C22orf39: variants seen among roughly 807,000 people sequenced by gnomAD.
C22orf39 encodes the protein chromosome 22 open reading frame 39.
In C22orf39, 20 loss-of-function variants were observed where a neutral mutation model predicts 18.3. The observed-to-expected ratio is 1.09, with a 90% confidence interval of 0.77 to 1.59. The LOEUF is 1.59. Among genes scored for constraint, C22orf39 ranks in the 40% most tolerant of loss-of-function variants. The pLI is 0.00. For synonymous variants in C22orf39, 63 were observed against 59.6 expected (o/e 1.06, Z -0.26); for missense variants, 195 against 156.1 (o/e 1.25, Z -1.33).
rs563642267 is a variant in C22orf39 at position 19,443,679 on chromosome 22, C to T, written c.*586G>A. On this transcript the variant is annotated 3_prime_UTR_variant, in exon 3 of 3. Transcript: ENST00000399562. ...CTTAAAAACCAGAGTCTCCAGGGGC[C>T]GACCTGGGAGCCTAAGAAGTGAAGC... 1.6e-5 allele frequency: 16 copies of T among 984,976 alleles called. No homozygotes were observed. Among genetic ancestry groups the T allele is most frequent in the African/African-American group, 8.7e-5 (5 of 57,158 alleles). 61.0% of individuals were successfully genotyped at this position (984,976 alleles called of 1,614,324 possible).
At chr22:19,446,719 CCT>C (rs913128169) in intron 2 of C22orf39, among the ~76,000 whole-genome samples, 31 of 151,908 alleles carry the variant, frequency 2.0e-4, no homozygotes, top group Admixed American at 3.3e-4. Context: ...TTTTTTCCCC[CCT>C]GAGACAGGTC....
At position 19,441,427 on chromosome 22, in the gene C22orf39, T is replaced by C; in HGVS notation, c.*2838A>G. 1 of 526,202 alleles carries C rather than the reference T, an allele frequency of 1.9e-6. No homozygotes were observed. The highest frequency in any genetic ancestry group is 2.7e-5 in the South Asian group (1 of 36,566). The allele number at this position is 526,202 out of a possible 1,614,324, so 32.6% of individuals were successfully genotyped here. On this transcript the variant is annotated 3_prime_UTR_variant, in exon 3 of 3. Transcript: ENST00000399562. ...CATACAGTACGGATACATATTGTTT[T>C]GTATTTCAACAATAATATGCTATAT...
chr22:19,441,777 C>G lies in C22orf39; in HGVS notation c.*2488G>C. 6.8e-7 allele frequency: 1 copy of G among 1,462,604 alleles called. No homozygotes were observed. The highest frequency in any genetic ancestry group is 2.6e-5 in the Admixed American group (1 of 39,154). 90.6% of individuals were successfully genotyped at this position (1,462,604 alleles called of 1,614,324 possible). A position where few individuals can be genotyped will look rare whatever the true frequency, so the allele number is the denominator to read the frequency against. On this transcript the variant is annotated 3_prime_UTR_variant, in exon 3 of 3. Coordinates refer to ENST00000399562, the MANE Select transcript of C22orf39 (RefSeq NM_173793.5). ...ACCACCATAAAATACCAAACTGCTT[C>G]AGAAATTACCACCATTTTATTTTTA... is the stretch of plus-strand genomic sequence containing the variant.
chr22:19,446,939 C>T (rs1045647626), intron 2 of C22orf39, among the ~76,000 whole-genome samples: 19 of 152,294 alleles, frequency 1.2e-4, no homozygotes, highest in African/African-American at 4.3e-4. Context: ...CTCTAAACTC[C>T]GTATCAAAAG....
At position 19,440,997 on chromosome 22, in the gene C22orf39, C is replaced by G. The variant is rs2089609510; in HGVS notation, c.*3268G>C. 6.6e-6 allele frequency: 1 copy of G among 152,192 alleles called. No homozygotes were observed. Among genetic ancestry groups the G allele is most frequent in the Non-Finnish European group, 1.5e-5 (1 of 68,072 alleles). 9.4% of individuals were successfully genotyped at this position (152,192 alleles called of 1,614,324 possible). A position where few individuals can be genotyped will look rare whatever the true frequency, so the allele number is the denominator to read the frequency against. On this transcript the variant is annotated 3_prime_UTR_variant, in exon 3 of 3. Coordinates refer to ENST00000399562, the MANE Select transcript of C22orf39 (RefSeq NM_173793.5). ...GCCCCAGCCTCCCCCAATGTTAACACCTTATACACTACAGCACAGCATCAG... is the reference window on the plus strand; with the variant it reads ...GCCCCAGCCTCCCCCAATGTTAACAGCTTATACACTACAGCACAGCATCAG...
At chr22:19,447,314 G>A (rs1333575720) in intron 2 of C22orf39, 64 bp downstream of exon 2, 5 of 1,379,776 alleles carry the variant, frequency 3.6e-6, no homozygotes, top group Non-Finnish European at 4.7e-6. Context: ...GGGGCGTGGA[G>A]GGGTGGGGAA....
chr22:19,443,348 A>C lies in C22orf39; in HGVS notation c.*917T>G. On this transcript the variant is annotated 3_prime_UTR_variant, in exon 3 of 3. Transcript: ENST00000399562. ...TGAGAAACCATTCTATTAGTAATAA[A>C]CAGACCTCTTCAAGAAATAGTGTTT... 1.0e-6 allele frequency: 1 copy of C among 985,578 alleles called. No individual in the cohort carries two copies. Among genetic ancestry groups the C allele is most frequent in the Non-Finnish European group, 1.2e-6 (1 of 829,920 alleles). 61.1% of individuals were successfully genotyped at this position (985,578 alleles called of 1,614,324 possible).
In C22orf39 at chr22:19,443,844, AC is replaced by A; in HGVS notation, c.*420del. 1 of 986,940 alleles carries A rather than the reference AC, an allele frequency of 1.0e-6. No individual in the cohort carries two copies. The highest frequency in any genetic ancestry group is 1.2e-6 in the Non-Finnish European group (1 of 831,536). The allele number at this position is 986,940 out of a possible 1,614,324, so 61.1% of individuals were successfully genotyped here. On this transcript the variant is annotated 3_prime_UTR_variant, in exon 3 of 3. Coordinates refer to ENST00000399562, the MANE Select transcript of C22orf39 (RefSeq NM_173793.5). ...GGACGTGGCAGGCAGTTTCCCAAGG[AC>A]TAGGAAAGACATTCACAGTGGCACA...
rs1418859976 is a variant in C22orf39 at position 19,441,517 on chromosome 22, A to ATTTATT, written c.*2742_*2747dup. 14 of 604,198 alleles carry ATTTATT rather than the reference A, an allele frequency of 2.3e-5. No homozygotes were observed. The highest frequency in any genetic ancestry group is 2.6e-5 in the Non-Finnish European group (9 of 340,394). 37.4% of individuals were successfully genotyped at this position (604,198 alleles called of 1,614,324 possible). A position where few individuals can be genotyped will look rare whatever the true frequency, so the allele number is the denominator to read the frequency against. The stretch of plus-strand genomic sequence containing the variant: ...ATTAATATGGGGTTTTATCCAAAAC[A>ATTTATT]TTTATTTTTATTTTTAAAACATTTA... On this transcript the variant is annotated 3_prime_UTR_variant, in exon 3 of 3. Coordinates refer to ENST00000399562, the MANE Select transcript of C22orf39 (RefSeq NM_173793.5).
At chr22:19,446,912 G>C (rs1291005320) in intron 2 of C22orf39, among the ~76,000 whole-genome samples, 1 of 152,258 alleles carries the variant, frequency 6.6e-6, no homozygotes, top group East Asian at 1.9e-4. Flanking sequence ...ATGCCTCCCA[G>C]CACACTTTAG....
In C22orf39 at chr22:19,447,444, G is replaced by C. The variant is rs1177568460; in HGVS notation, c.126C>G (p.Cys42Trp). ...HYYVHGERPA[C>W]EQWQRDLASC... Reference sequence around the variant, plus strand: ...TGGCCAGGTCGCGCTGCCACTGTTCGCAGGCCGGCCGCTCGCCGTGGACGT... The same window carrying C: ...TGGCCAGGTCGCGCTGCCACTGTTCCCAGGCCGGCCGCTCGCCGTGGACGT... Residue 42 changes from cysteine to tryptophan, a missense_variant, in exon 2 of 3, where the codon TGC (cysteine) becomes TGG (tryptophan). Cys to Trp is a radical substitution (Grantham distance 215, BLOSUM62 -2). Coordinates refer to ENST00000399562, the MANE Select transcript of C22orf39 (RefSeq NM_173793.5). 1 of 1,512,422 alleles carries C rather than the reference G, an allele frequency of 6.6e-7. No homozygotes were observed. The highest frequency in any genetic ancestry group is 8.8e-7 in the Non-Finnish European group (1 of 1,138,842). 93.7% of individuals were successfully genotyped at this position (1,512,422 alleles called of 1,614,324 possible).
Position 19,447,557 on chromosome 22 carries a change from G to T in C22orf39, c.25-12C>A. ...CAGGGGCGCGGCGGCTGCGGCGAGAGGCGGCGCCTGAGCGGGGCCCGGCGG... is the reference window on the plus strand; with the variant it reads ...CAGGGGCGCGGCGGCTGCGGCGAGATGCGGCGCCTGAGCGGGGCCCGGCGG... On this transcript the variant is annotated splice_polypyrimidine_tract_variant and intron_variant, in intron 1 of 2. Transcript: ENST00000399562. The T allele has an allele frequency of 7.1e-7, 1 of 1,416,124 alleles. No homozygotes were observed. The highest frequency in any genetic ancestry group is 3.0e-5 in the East Asian group (1 of 33,782). The allele number at this position is 1,416,124 out of a possible 1,614,324, so 87.7% of individuals were successfully genotyped here.
Position 19,444,330 on chromosome 22 carries a change from ACACCAGGATGTGCTTCCGTGCAG to A in C22orf39, c.230_252del (p.Ala77ValfsTer48). The A allele has an allele frequency of 6.2e-7, 1 of 1,601,580 alleles. No individual in the cohort carries two copies. The highest frequency in any genetic ancestry group is 8.5e-7 in the Non-Finnish European group (1 of 1,175,408). ...GGAGGGGGGCTCTGCCTCGGGGCCCACACCAGGATGTGCTTCCGTGCAGCCCGGACTCGTGCCCGCTCGCTCTC... is the reference window on the plus strand; with the variant it reads ...GGAGGGGGGCTCTGCCTCGGGGCCCACCCGGACTCGTGCCCGCTCGCTCTC... On this transcript the variant is annotated frameshift_variant, in exon 3 of 3. Coordinates refer to ENST00000399562, the MANE Select transcript of C22orf39 (RefSeq NM_173793.5). LOFTEE classifies it high-confidence loss of function.
Position 19,444,057 on chromosome 22 carries a change from G to C in C22orf39, c.*208C>G. On this transcript the variant is annotated 3_prime_UTR_variant, in exon 3 of 3. Transcript: ENST00000399562. The stretch of plus-strand genomic sequence containing the variant: ...CTGGAAGCTCTAAAGCGGTGCAATT[G>C]TCCTGCAGAACATCGCAGTGTCAGG... 2 of 1,314,578 alleles carry C rather than the reference G, an allele frequency of 1.5e-6. No homozygotes were observed. Among genetic ancestry groups the C allele is most frequent in the Non-Finnish European group, 1.9e-6 (2 of 1,038,032 alleles). 81.4% of individuals were successfully genotyped at this position (1,314,578 alleles called of 1,614,324 possible).
Position 19,441,628 on chromosome 22 carries a change from A to C in C22orf39, c.*2637T>G. Reference sequence around the variant, plus strand: ...ACTGCAACCTCAAACTCCTATCCTCAAGTGATTCTTCTGCCTCAGCCTCCC... The same window carrying C: ...ACTGCAACCTCAAACTCCTATCCTCCAGTGATTCTTCTGCCTCAGCCTCCC... On this transcript the variant is annotated 3_prime_UTR_variant, in exon 3 of 3. Transcript: ENST00000399562. 1 of 1,258,380 alleles carries C rather than the reference A, an allele frequency of 7.9e-7. No homozygotes were observed. Among genetic ancestry groups the C allele is most frequent in the African/African-American group, 1.5e-5 (1 of 67,296 alleles). The allele number at this position is 1,258,380 out of a possible 1,614,324, so 78.0% of individuals were successfully genotyped here.
rs200451846 is a variant in C22orf39 at position 19,444,421 on chromosome 22, G to A, written c.193-31C>T. On this transcript the variant is annotated intron_variant, in intron 2 of 2. Transcript: ENST00000399562. Reference sequence around the variant, plus strand: ...CAAATGAGACTCTAGTCACTCCCCAGGCTCTGAGCACCCTCAAGACCCCTG... The same window carrying A: ...CAAATGAGACTCTAGTCACTCCCCAAGCTCTGAGCACCCTCAAGACCCCTG... 3.7e-5 allele frequency: 59 copies of A among 1,584,964 alleles called. No homozygotes were observed. The Middle Eastern group carries it at 8.3e-4, about 22-fold the overall frequency.
rs925168328 is a variant in C22orf39 at position 19,443,186 on chromosome 22, C to T, written c.*1079G>A. The T allele has an allele frequency of 5.1e-6, 5 of 982,664 alleles. No individual in the cohort carries two copies. The highest frequency in any genetic ancestry group is 6.0e-6 in the Non-Finnish European group (5 of 829,426). The allele number at this position is 982,664 out of a possible 1,614,324, so 60.9% of individuals were successfully genotyped here. A position where few individuals can be genotyped will look rare whatever the true frequency, so the allele number is the denominator to read the frequency against. On this transcript the variant is annotated 3_prime_UTR_variant, in exon 3 of 3. Transcript: ENST00000399562. The stretch of plus-strand genomic sequence containing the variant: ...TGTTCTTTAATGGACACCCTTCTAA[C>T]GTGATAGATTATTCTGCCCCAAAGA...
Position 19,441,811 on chromosome 22 carries a change from G to C in C22orf39, c.*2454C>G, listed in dbSNP as rs895904581. 2.9e-6 allele frequency: 4 copies of C among 1,365,958 alleles called. No homozygotes were observed. Among genetic ancestry groups the C allele is most frequent in the Admixed American group, 5.0e-5 (2 of 40,364 alleles). 84.6% of individuals were successfully genotyped at this position (1,365,958 alleles called of 1,614,324 possible). A position where few individuals can be genotyped will look rare whatever the true frequency, so the allele number is the denominator to read the frequency against. On this transcript the variant is annotated 3_prime_UTR_variant, in exon 3 of 3. Transcript: ENST00000399562. ...CCACCATTTTATTTTTATTTATTTT[G>C]AGACAGGATATTGCTCTGTCACCCA...
intron 1 of C22orf39, 40 bp from the exon 2 acceptor site, chr22:19,447,585 G>T: frequency 2.1e-6 from 3 of 1,416,620 alleles, no homozygotes; most frequent in Non-Finnish European, 2.7e-6. Flanking sequence ...CCCGGCGGCC[G>T]CGCCCTACGC....
Sources: gnomAD v4.1 joint callset for allele counts (sites outside exome capture counted in the v4.1 genomes callset) on GRCh38, gnomAD v4.1.1 for gene constraint, MANE v1.5 for transcripts, NCBI Gene and HGNC (gene_info 2026-07-23, HGNC 2026-07-21) for gene names.